Variants in DES observed in about 807,000 individuals in gnomAD.
DES encodes the protein desmin.
In DES, 34 loss-of-function variants were observed where a neutral mutation model predicts 55.1. The ratio of observed to expected loss-of-function variants is 0.62; its 90% CI spans 0.47 to 0.82. DES has a LOEUF of 0.82. DES is among the 40% of genes least tolerant of loss of function. The pLI, the probability that DES is intolerant of heterozygous loss-of-function variation, is 0.00. For missense variants in DES, 596 were observed against 645.9 expected (o/e 0.92, Z 0.84); for synonymous variants, 259 against 270.8 (o/e 0.96, Z 0.43).
chr2:219,418,979 CGCGCGCGCGTCGACGTCGA>C lies in DES; in HGVS notation c.523_541del (p.Arg175ThrfsTer20). The stretch of plus-strand genomic sequence containing the variant: ...CCAGGTGGAGGTGCTCACTAACCAG[CGCGCGCGCGTCGACGTCGA>C]GCGCGACAACCTGCTCGACGACCTG... On this transcript the variant is annotated frameshift_variant, in exon 1 of 9. Transcript: ENST00000373960. LOFTEE classifies it high-confidence loss of function. The C allele has an allele frequency of 6.4e-7, 1 of 1,550,508 alleles. No individual in the cohort carries two copies. Among genetic ancestry groups the C allele is most frequent in the Non-Finnish European group, 8.7e-7 (1 of 1,147,712 alleles).
chr2:219,423,539 G>T (rs1021578972), intron 6 of DES, among the ~76,000 whole-genome samples: 1 of 150,792 alleles, frequency 6.6e-6, no homozygotes, highest in Non-Finnish European at 1.5e-5. Flanking sequence ...TCCTGGGTTC[G>T]CACCATTCTC....
intron 7 of DES, chr2:219,425,144 G>A (rs1285119467): frequency 6.2e-6 from 1 of 161,476 alleles, no homozygotes; most frequent in African/African-American, 2.4e-5. Flanking sequence ...TGATCCACCT[G>A]CCTCGGTCTC....
At position 219,419,440 on chromosome 2, in the gene DES, G is replaced by A. The variant is rs923516441; in HGVS notation, c.578+400G>A. Among the ~76,000 whole-genome samples, 3 of 152,244 alleles carry A rather than the reference G, an allele frequency of 2.0e-5. No homozygotes were observed. The highest frequency in any genetic ancestry group is 1.9e-4 in the East Asian group (1 of 5,162). ...GCCAGAGGGAGAAGGGAGGCTGATA[G>A]GAGACAGGGAAAGCAGGGCAAGGGC... On this transcript the variant is annotated intron_variant, in intron 1 of 8. Coordinates refer to ENST00000373960, the MANE Select transcript of DES (RefSeq NM_001927.4). The surrounding 1 kb of genome is among the most constrained non-coding windows in gnomAD (Gnocchi z 4.3).
At position 219,421,401 on chromosome 2, in the gene DES, G is replaced by A; in HGVS notation, c.1085G>A (p.Gly362Asp). 1 of 1,614,136 alleles carries A rather than the reference G, an allele frequency of 6.2e-7. No individual in the cohort carries two copies. Among genetic ancestry groups the A allele is most frequent in the Non-Finnish European group, 8.5e-7 (1 of 1,180,026 alleles). ...LEDRFASEASGYQDNIARLEE... is the reference protein window; with the variant it reads ...LEDRFASEASDYQDNIARLEE... ...GACCGATTTGCCAGTGAGGCCAGTG[G>A]CTACCAGGACAACATTGCGCGCCTG... is the stretch of plus-strand genomic sequence containing the variant. The change falls in exon 6 of 9, where the codon GGC (glycine) becomes GAC (aspartate). Residue 362 changes from glycine (G) to aspartate (D), a missense_variant. By Grantham distance (94) the Gly-to-Asp change is moderately conservative (BLOSUM62 -1). Coordinates refer to ENST00000373960, the MANE Select transcript of DES (RefSeq NM_001927.4).
Position 219,420,959 on chromosome 2 carries a change from T to TCCCTGCCCACCTGGCCAGG in DES, c.1023+15_1023+33dup, listed in dbSNP as rs1559353133. The TCCCTGCCCACCTGGCCAGG allele has an allele frequency of 1.2e-6, 2 of 1,612,766 alleles. No homozygotes were observed. On this transcript the variant is annotated splice_region_variant and intron_variant, in intron 5 of 8. Coordinates refer to ENST00000373960, the MANE Select transcript of DES (RefSeq NM_001927.4). The surrounding 1 kb of genome is among the most constrained non-coding windows in gnomAD (Gnocchi z 6.0). ...TTGACGCCCTGAAGGGCACTGTGAGTCCCTGCCCACCTGGCCAGGCCCTGC... is the reference window on the plus strand; with the variant it reads ...TTGACGCCCTGAAGGGCACTGTGAGTCCCTGCCCACCTGGCCAGGCCCTGCCCACCTGGCCAGGCCCTGC...
Position 219,419,730 on chromosome 2 carries a change from G to A in DES, c.579-365G>A, listed in dbSNP as rs1954398607. On this transcript the variant is annotated intron_variant, in intron 1 of 8. Coordinates refer to ENST00000373960, the MANE Select transcript of DES (RefSeq NM_001927.4). This position sits in a 1 kb window ranked among gnomAD's most constrained non-coding sequence, Gnocchi z 4.3. The stretch of plus-strand genomic sequence containing the variant: ...GTCCCACTTCTGACAGGCCAAGTGA[G>A]CACAGTCACCCTCCTGCCACCAAAG... 1.3e-5 allele frequency among the ~76,000 whole-genome samples: 2 copies of A among 152,182 alleles called. No homozygotes were observed. Among genetic ancestry groups the A allele is most frequent in the Admixed American group, 1.3e-4 (2 of 15,284 alleles).
chr2:219,421,011 C>G (rs1487782549), intron 5 of DES, 58 bp downstream of exon 5: 2 of 1,589,802 alleles, frequency 1.3e-6, no homozygotes, highest in African/African-American at 2.7e-5. Context: ...TTCACACCCT[C>G]ACTTTGTGAC....
Position 219,419,144 on chromosome 2 carries a change from C to T in DES, c.578+104C>T. 5.9e-6 allele frequency: 9 copies of T among 1,528,384 alleles called. No homozygotes were observed. The highest frequency in any genetic ancestry group is 7.9e-6 in the Non-Finnish European group (9 of 1,143,302). The allele number at this position is 1,528,384 out of a possible 1,614,324, so 94.7% of individuals were successfully genotyped here. On this transcript the variant is annotated intron_variant, in intron 1 of 8. Transcript: ENST00000373960. The surrounding 1 kb of genome is among the most constrained non-coding windows in gnomAD (Gnocchi z 4.3). ...TCAGCACCTGCCTTCTCCCGGGGCC[C>T]GGGACCCTCTCCTGCCCCATGTGGA... is the stretch of plus-strand genomic sequence containing the variant.
rs111743685 is a variant in DES, at chr2:219,421,792, G to A, written c.1244+232G>A. On this transcript the variant is annotated intron_variant, in intron 6 of 8. Transcript: ENST00000373960. Reference sequence around the variant, plus strand: ...AGCAATTCTCCTGCCTCAGCTTCCCGAGCAGCTGGGATTACAGGCGCCTAC... The same window carrying A: ...AGCAATTCTCCTGCCTCAGCTTCCCAAGCAGCTGGGATTACAGGCGCCTAC... Among the ~76,000 whole-genome samples, 6 of 151,850 alleles carry A rather than the reference G, an allele frequency of 4.0e-5. No individual in the cohort carries two copies. In the East Asian group the frequency reaches 5.8e-4, roughly 15 times the overall value.
In DES at chr2:219,420,864, G is replaced by A. The variant is rs34337334; in HGVS notation, c.934G>A (p.Asp312Asn). The change falls in exon 5 of 9, where the codon GAC (aspartate) becomes AAC (asparagine). Residue 312 changes from aspartate (D) to asparagine (N), a missense_variant. Physicochemically the swap from Asp to Asn is conservative, Grantham distance 23. Coordinates refer to ENST00000373960, the MANE Select transcript of DES (RefSeq NM_001927.4). This position sits in a 1 kb window ranked among gnomAD's most constrained non-coding sequence, Gnocchi z 6.0. ...GACCCAGGCAGCCAACAAGAACAAC[G>A]ACGCCCTGCGCCAGGCCAAGCAGGA... ...DLTQAANKNN[D>N]ALRQAKQEMM... 1.0e-4 allele frequency: 169 copies of A among 1,613,694 alleles called. 1 individual carries two copies. In the African/African-American group the frequency reaches 1.7e-3, roughly 17 times the overall value.
In DES at chr2:219,425,708, C is replaced by T. The variant is rs147803084; in HGVS notation, c.1334C>T (p.Thr445Met). 12 of 1,599,096 alleles carry T rather than the reference C, an allele frequency of 7.5e-6. No homozygotes were observed. Among genetic ancestry groups the T allele is most frequent in the Admixed American group, 3.5e-5 (2 of 57,674 alleles). ...QRGSEVHTKK[T>M]VMIKTIETRD... ...GGTTCTGAGGTCCATACCAAGAAGA[C>T]GGTGATGATCAAGACCATCGAGACA... The change falls in exon 8 of 9, where the codon ACG becomes ATG. Residue 445 changes from threonine (T) to methionine (M), a missense_variant. By Grantham distance (81) the Thr-to-Met change is moderately conservative (BLOSUM62 -1). Transcript: ENST00000373960.
intron 7 of DES, 129 bp from the exon 8 acceptor site, chr2:219,425,534 C>A: frequency 1.3e-6 from 1 of 795,420 alleles, no homozygotes; most frequent in Non-Finnish European, 2.1e-6. Context: ...GAAGAAGTAA[C>A]AAGCCTGTCT....
intron 7 of DES, chr2:219,425,401 T>A: frequency 2.0e-6 from 1 of 499,170 alleles, no homozygotes. Flanking sequence ...CCTACCCTCC[T>A]GCACCATCCT....
At chr2:219,423,746 C>A in intron 6 of DES, 31 bp from the exon 7 acceptor site, 6 of 1,612,042 alleles carry the variant, frequency 3.7e-6, no homozygotes, top group Non-Finnish European at 5.1e-6. Context: ...GGGTTCTTAA[C>A]TCTTAGGAGG....
At position 219,426,602 on chromosome 2, in the gene DES, T is replaced by C. The variant is rs914139708; in HGVS notation, c.*612T>C. The C allele has an allele frequency of 3.6e-5, 6 of 168,166 alleles. No individual in the cohort carries two copies. The highest frequency in any genetic ancestry group is 6.5e-5 in the Non-Finnish European group (5 of 76,500). The allele number at this position is 168,166 out of a possible 1,614,324, so 10.4% of individuals were successfully genotyped here. On this transcript the variant is annotated 3_prime_UTR_variant, in exon 9 of 9. Coordinates refer to ENST00000373960, the MANE Select transcript of DES (RefSeq NM_001927.4). This position sits in a 1 kb window ranked among gnomAD's most constrained non-coding sequence, Gnocchi z 4.5. ...TGAGAAGGAGAGAAAGTGGGTGAGATGCTGGAGAAGAGAGGAGAGGAGAGA... is the reference window on the plus strand; with the variant it reads ...TGAGAAGGAGAGAAAGTGGGTGAGACGCTGGAGAAGAGAGGAGAGGAGAGA...
At chr2:219,425,547 A>AG in intron 7 of DES, 116 bp from the exon 8 acceptor site, 4 of 856,098 alleles carry the variant, frequency 4.7e-6, no homozygotes, top group Non-Finnish European at 7.7e-6. Flanking sequence ...GCCTGTCTTG[A>AG]GGGGGGTTGG....
Position 219,419,528 on chromosome 2 carries a change from G to T in DES, c.578+488G>T, listed in dbSNP as rs1394646743. ...GAGGCCCTGGGGGAGGTGGGGGGAG[G>T]GGGGAGCTTGGCCCTGGGGCCTTGC... On this transcript the variant is annotated intron_variant, in intron 1 of 8. Transcript: ENST00000373960. The surrounding 1 kb of genome is among the most constrained non-coding windows in gnomAD (Gnocchi z 4.3). 1.3e-5 allele frequency among the ~76,000 whole-genome samples: 2 copies of T among 152,088 alleles called. No individual in the cohort carries two copies. Among genetic ancestry groups the T allele is most frequent in the Non-Finnish European group, 2.9e-5 (2 of 67,984 alleles).
At position 219,421,503 on chromosome 2, in the gene DES, T is replaced by A; in HGVS notation, c.1187T>A (p.Met396Lys). The change falls in exon 6 of 9, where the codon ATG becomes AAG. Residue 396 changes from methionine to lysine, a missense_variant. Transcript: ENST00000373960. ...REYQDLLNVK[M>K]ALDVEIATYR... ...TACCAGGACCTGCTCAACGTGAAGA[T>A]GGCCCTGGATGTGGAGATTGCCACC... 1 of 1,614,046 alleles carries A rather than the reference T, an allele frequency of 6.2e-7. No individual in the cohort carries two copies. The highest frequency in any genetic ancestry group is 8.5e-7 in the Non-Finnish European group (1 of 1,180,010).
intron 8 of DES, 82 bp from the exon 9 acceptor site, chr2:219,425,867 G>A (rs2666101): frequency 6.2e-7 from 1 of 1,604,546 alleles, no homozygotes; most frequent in Admixed American, 1.7e-5. Context: ...AGATCCTGCG[G>A]CCCTGGGGTG....
Sources: allele counts gnomAD v4.1 joint callset (sites outside exome capture counted in the v4.1 genomes callset), GRCh38; gene constraint gnomAD v4.1.1; non-coding constraint Gnocchi (gnomAD v3.1); transcripts MANE v1.5; gene names NCBI Gene and HGNC (gene_info 2026-07-23, HGNC 2026-07-21).